ABR: variants seen among roughly 807,000 people sequenced by gnomAD.
The protein encoded by ABR is ABR activator of RhoGEF and GTPase, also known as active breakpoint cluster region-related protein.
ABR carries 35 observed loss-of-function variants against 107.2 expected under a neutral mutation model. The observed-to-expected ratio is 0.33, with a 90% CI of 0.25 to 0.43. The LOEUF is 0.43. ABR is among the 20% of genes least tolerant of loss of function. The pLI, the probability that ABR is intolerant of heterozygous loss-of-function variation, is 1.00. For synonymous variants in ABR, 498 were observed against 462.0 expected (o/e 1.08, Z -1.00); for missense variants, 815 against 1,115.2 (o/e 0.73, Z 3.83).
rs1030790383 is a variant in ABR at position 1,179,120 on chromosome 17, G to T, written c.61+547C>A. Among the ~76,000 whole-genome samples, 4 of 151,868 alleles carry T rather than the reference G, an allele frequency of 2.6e-5. No individual in the cohort carries two copies. The highest frequency in any genetic ancestry group is 5.9e-5 in the Non-Finnish European group (4 of 67,928). On this transcript the variant is annotated intron_variant, in intron 1 of 22. Coordinates refer to ENST00000302538, the MANE Select transcript of ABR (RefSeq NM_021962.5). The surrounding 1 kb of genome is among the most constrained non-coding windows in gnomAD (Gnocchi z 4.9). ...CTCCCGCATCCAAACGGCCCCCGCG[G>T]ATATCTGCACCCCCCGTCTCCCCTC...
chr17:1,203,501 G>A (rs574530918), intron 1 of ABR, among the ~76,000 whole-genome samples: 1 of 54,516 alleles, frequency 1.8e-5, no homozygotes, highest in Non-Finnish European at 4.4e-5. Flanking sequence ...CGGGGACGGA[G>A]TCTGCGGGGG....
intron 1 of ABR, among the ~76,000 whole-genome samples, chr17:1,137,012 TCTCTCTCTCTCTC>T (rs2040096397): frequency 2.0e-5 from 3 of 149,054 alleles, no homozygotes; most frequent in African/African-American, 7.5e-5. Flanking sequence ...ATTTCTTTTT[TCTCTCTCTCTCTC>T]TCTTTCTCTC....
intron 1 of ABR, among the ~76,000 whole-genome samples, chr17:1,133,894 G>C (rs2039947888): frequency 6.6e-6 from 1 of 152,188 alleles, no homozygotes; most frequent in African/African-American, 2.4e-5. Context: ...GCAAGGCCCT[G>C]ACTTTGATGA....
At chr17:1,199,831 A>C (rs1213990974) in intron 1 of ABR, among the ~76,000 whole-genome samples, 1 of 152,084 alleles carries the variant, frequency 6.6e-6, no homozygotes, top group Non-Finnish European at 1.5e-5. Context: ...AAAAACTTTT[A>C]GACAATAAAA....
chr17:1,134,651 G>A (rs766689770), intron 1 of ABR, among the ~76,000 whole-genome samples: 8 of 152,172 alleles, frequency 5.3e-5, no homozygotes, highest in Non-Finnish European at 8.8e-5. Context: ...GAGATGCTAC[G>A]ACAGAGGCCT....
chr17:1,127,905 G>A (rs77215595), intron 1 of ABR, among the ~76,000 whole-genome samples: 7,081 of 152,298 alleles, frequency 0.046, 519 homozygotes, highest in African/African-American at 0.16. Context: ...TGGATGTTCC[G>A]CGGGGAGGCA....
intron 21 of ABR, among the ~76,000 whole-genome samples, chr17:1,007,654 C>T (rs569236294): frequency 3.3e-5 from 5 of 152,338 alleles, no homozygotes; most frequent in East Asian, 1.9e-4. Flanking sequence ...TCACACTCGC[C>T]GCAGTCCTTT....
intron 1 of ABR, among the ~76,000 whole-genome samples, chr17:1,132,378 T>TC (rs1491128418): frequency 6.8e-3 from 5 of 730 alleles, no homozygotes; most frequent in African/African-American, 0.025. Context: ...CCGAAAGCAC[T>TC]TTTTTTTTTT....
chr17:1,182,729 G>A (rs902889670), upstream of ABR, among the ~76,000 whole-genome samples: 1 of 152,202 alleles, frequency 6.6e-6, no homozygotes, highest in African/African-American at 2.4e-5. Context: ...ATCACCGGGT[G>A]CTGAAGGTCC....
Position 1,011,824 on chromosome 17 carries a change from C to T in ABR, c.2101+22G>A, listed in dbSNP as rs376076777. The T allele has an allele frequency of 1.8e-4, 282 of 1,555,404 alleles. No individual in the cohort carries two copies. In the East Asian group the frequency reaches 1.9e-3, roughly 10 times the overall value. ...TGCTCAGACACAGCCACACCTGCCC[C>T]GGCTGGGCCTCCCAGACTCACTGGC... On this transcript the variant is annotated intron_variant, in intron 19 of 22. Transcript: ENST00000302538. This position sits in a 1 kb window ranked among gnomAD's most constrained non-coding sequence, Gnocchi z 4.8.
chr17:1,098,310 C>G (rs1428623799), intron 3 of ABR, among the ~76,000 whole-genome samples: 1 of 151,920 alleles, frequency 6.6e-6, no homozygotes, highest in Non-Finnish European at 1.5e-5. Context: ...ATCTCCTGAC[C>G]TTGTGATCCG....
At chr17:1,054,121 C>T (rs2440043) in intron 14 of ABR, among the ~76,000 whole-genome samples, 15,666 of 152,218 alleles carry the variant, frequency 0.1, 909 homozygotes, top group South Asian at 0.2. Context: ...CTCCGAGCCT[C>T]GGCGTCCTCG....
intron 16 of ABR, among the ~76,000 whole-genome samples, chr17:1,034,081 C>G (rs2073000953): frequency 6.6e-6 from 1 of 151,820 alleles, no homozygotes; most frequent in African/African-American, 2.4e-5. Flanking sequence ...AGCAACTCTC[C>G]TGCCTCAGCC....
intron 13 of ABR, among the ~76,000 whole-genome samples, chr17:1,056,334 G>T (rs557409018): frequency 6.6e-6 from 1 of 152,020 alleles, no homozygotes; most frequent in African/African-American, 2.4e-5. Flanking sequence ...CAGCCTGGGG[G>T]GGTCCAGCAC....
At chr17:1,127,487 G>A (rs899185599) in intron 1 of ABR, among the ~76,000 whole-genome samples, 4 of 152,108 alleles carry the variant, frequency 2.6e-5, no homozygotes, top group African/African-American at 9.7e-5. Context: ...GCACCCAGCT[G>A]GCCTGAGTCT....
chr17:1,189,405 A>G, upstream of ABR, among the ~76,000 whole-genome samples: 1 of 147,392 alleles, frequency 6.8e-6, no homozygotes, highest in Admixed American at 6.8e-5. Flanking sequence ...GCTGGAGTGC[A>G]ATGGTGCAAT....
intron 16 of ABR, among the ~76,000 whole-genome samples, chr17:1,021,728 C>A (rs948766745): frequency 1.3e-5 from 2 of 151,634 alleles, no homozygotes; most frequent in Non-Finnish European, 2.9e-5. Context: ...CGCTTGAACC[C>A]GGGAGGCGGA....
At chr17:1,045,703 G>A (rs949165156) in intron 16 of ABR, among the ~76,000 whole-genome samples, 1 of 152,206 alleles carries the variant, frequency 6.6e-6, no homozygotes, top group Non-Finnish European at 1.5e-5. Context: ...TCCTGGGCTC[G>A]CTTATGTGTG....
At chr17:1,137,749 T>G (rs62069393) in intron 1 of ABR, among the ~76,000 whole-genome samples, 5,725 of 151,984 alleles carry the variant, frequency 0.038, 137 homozygotes, top group Middle Eastern at 0.071. Context: ...AGCATGGAGG[T>G]GCCGTAAAGC....
Sources: gnomAD v4.1 joint callset for allele counts (sites outside exome capture counted in the v4.1 genomes callset) on GRCh38, gnomAD v4.1.1 for gene constraint, Gnocchi (gnomAD v3.1) non-coding constraint, MANE v1.5 for transcripts, NCBI Gene and HGNC (gene_info 2026-07-23, HGNC 2026-07-21) for gene names.